The following SLC25A21 variants were observed in gnomAD, a reference collection of about 807,000 sequenced individuals.
The protein encoded by SLC25A21 is solute carrier family 25 member 21.
Under a neutral mutation model 43.8 loss-of-function variants are expected in SLC25A21, and 47 were observed. The observed-to-expected ratio is 1.07, with a 90% confidence interval of 0.85 to 1.37. The LOEUF (loss-of-function observed/expected upper bound fraction) is 1.37, where lower values mean the gene tolerates loss of function less well. SLC25A21 is among the 40% of genes most tolerant of loss of function. The pLI is 0.00. For missense variants in SLC25A21, 352 were observed against 350.2 expected (o/e 1.00, Z -0.04); for synonymous variants, 131 against 121.3 (o/e 1.08, Z -0.52).
At chr14:36,696,236 C>T (rs1483857323) in intron 7 of SLC25A21, among the ~76,000 whole-genome samples, 1 of 152,148 alleles carries the variant, frequency 6.6e-6, no homozygotes, top group Non-Finnish European at 1.5e-5. Context: ...GTTGAACCAG[C>T]CTTGCATCCT....
chr14:36,876,357 A>T (rs712387), intron 1 of SLC25A21, among the ~76,000 whole-genome samples: 26,261 of 152,172 alleles, frequency 0.17, 2,602 homozygotes, highest in East Asian at 0.27. Flanking sequence ...TGTATTGACC[A>T]AAACTGTCTT....
intron 1 of SLC25A21, among the ~76,000 whole-genome samples, chr14:36,893,801 A>C (rs1277096394): frequency 3.9e-5 from 6 of 152,152 alleles, no homozygotes; most frequent in Non-Finnish European, 8.8e-5. Context: ...TAAATAGGGA[A>C]TCCTTTCCCT....
intron 1 of SLC25A21, among the ~76,000 whole-genome samples, chr14:37,095,813 C>T (rs578205142): frequency 1.0e-3 from 32 of 31,376 alleles, no homozygotes; most frequent in East Asian, 2.8e-3. Context: ...CACACACACG[C>T]GCACGCACAC....
At chr14:36,700,710 G>C (rs1883243715) in intron 7 of SLC25A21, among the ~76,000 whole-genome samples, 1 of 152,182 alleles carries the variant, frequency 6.6e-6, no homozygotes, top group Admixed American at 6.5e-5. Flanking sequence ...CCCTCCTCTT[G>C]TGTATTTACT....
At chr14:37,172,144 C>G in intron 1 of SLC25A21, 137 bp downstream of exon 1, 1 of 909,148 alleles carries the variant, frequency 1.1e-6, no homozygotes, top group Non-Finnish European at 1.7e-6. Flanking sequence ...TCTAGGGGCT[C>G]AAGCACTGCT....
chr14:37,050,538 C>T (rs1317038419), intron 1 of SLC25A21, among the ~76,000 whole-genome samples: 1 of 152,162 alleles, frequency 6.6e-6, no homozygotes. Context: ...AACTCATCAG[C>T]CTAGAGGGAC....
At chr14:36,813,556 T>G (rs1333386528) in intron 3 of SLC25A21, among the ~76,000 whole-genome samples, 1 of 152,130 alleles carries the variant, frequency 6.6e-6, no homozygotes, top group Non-Finnish European at 1.5e-5. Flanking sequence ...CAGATCTGTT[T>G]TATTTGTATA....
chr14:37,113,749 G>A (rs1963059720), intron 1 of SLC25A21, among the ~76,000 whole-genome samples: 1 of 151,308 alleles, frequency 6.6e-6, no homozygotes, highest in Non-Finnish European at 1.5e-5. Flanking sequence ...AGCTACCCAA[G>A]AGGCTGAGGC....
rs190856318 is a variant in SLC25A21 at position 37,123,002 on chromosome 14, A to C, written c.70+49279T>G. Among the ~76,000 whole-genome samples the C allele has an allele frequency of 2.0e-5, 3 of 152,326 alleles. No individual in the cohort carries two copies. In the East Asian group the frequency reaches 5.8e-4, roughly 29 times the overall value. ...ATAGATACTTGCTTCTCAAAAGCTGAAGTGAAACGTACGCTCTATGAATGC... is the reference window on the plus strand; with the variant it reads ...ATAGATACTTGCTTCTCAAAAGCTGCAGTGAAACGTACGCTCTATGAATGC... On this transcript the variant is annotated intron_variant, in intron 1 of 9. Coordinates refer to ENST00000331299, the MANE Select transcript of SLC25A21 (RefSeq NM_030631.4).
intron 2 of SLC25A21, among the ~76,000 whole-genome samples, chr14:36,841,866 C>T (rs987105553): frequency 6.6e-6 from 1 of 152,218 alleles, no homozygotes; most frequent in South Asian, 2.1e-4. Flanking sequence ...GCAGACTACC[C>T]TGCTCATTTC....
chr14:37,161,796 T>TA (rs1016709686), intron 1 of SLC25A21, among the ~76,000 whole-genome samples: 9 of 150,292 alleles, frequency 6.0e-5, no homozygotes, highest in South Asian at 4.2e-4. Context: ...CCGTCTCTAC[T>TA]AAAAAAAATA....
chr14:37,117,256 A>G lies in SLC25A21; in HGVS notation c.70+55025T>C, dbSNP rs78388921. Among the ~76,000 whole-genome samples the G allele has an allele frequency of 7.9e-3, 1,203 of 152,278 alleles. 12 individuals are homozygous for G. Among genetic ancestry groups the G allele is most frequent in the African/African-American group, 0.027 (1,124 of 41,574 alleles). ...CCTCTCATCATCTAAACTTTTTTTC[A>G]GGGCATCAGCACTAGAAAAAGTCAT... is the stretch of plus-strand genomic sequence containing the variant. On this transcript the variant is annotated intron_variant, in intron 1 of 9. Coordinates refer to ENST00000331299, the MANE Select transcript of SLC25A21 (RefSeq NM_030631.4).
chr14:36,891,690 CTT>C (rs1233538141), intron 1 of SLC25A21, among the ~76,000 whole-genome samples: 1 of 152,084 alleles, frequency 6.6e-6, no homozygotes, highest in African/African-American at 2.4e-5. Context: ...CCCAGAATCT[CTT>C]GAGTGTAGCC....
chr14:36,698,087 G>A (rs58384040), intron 7 of SLC25A21, among the ~76,000 whole-genome samples: 2,802 of 152,154 alleles, frequency 0.018, 88 homozygotes, highest in African/African-American at 0.064. Flanking sequence ...CTTCCTTCAG[G>A]AGCTCTTGTA....
At chr14:36,818,383 T>A (rs1329284316) in intron 2 of SLC25A21, among the ~76,000 whole-genome samples, 2 of 152,196 alleles carry the variant, frequency 1.3e-5, no homozygotes, top group South Asian at 4.1e-4. Flanking sequence ...GATGCTGAGT[T>A]AATTACAACC....
intron 7 of SLC25A21, among the ~76,000 whole-genome samples, chr14:36,696,378 T>C (rs1450990440): frequency 1.3e-5 from 2 of 152,224 alleles, no homozygotes; most frequent in Admixed American, 6.5e-5. Flanking sequence ...TCTTTTTTTG[T>C]TGTGTCTCTG....
intron 2 of SLC25A21, among the ~76,000 whole-genome samples, chr14:36,864,792 G>C (rs1335955132): frequency 6.6e-6 from 1 of 152,160 alleles, no homozygotes; most frequent in African/African-American, 2.4e-5. Context: ...CAGTGGTCTA[G>C]TCCTGAATTT....
At chr14:36,884,877 T>C (rs1890868948) in intron 1 of SLC25A21, among the ~76,000 whole-genome samples, 1 of 152,156 alleles carries the variant, frequency 6.6e-6, no homozygotes, top group Non-Finnish European at 1.5e-5. Context: ...ATTAGTCCCT[T>C]GTCAGATGTG....
At chr14:36,862,625 G>T (rs1890102548) in intron 2 of SLC25A21, among the ~76,000 whole-genome samples, 3 of 143,090 alleles carry the variant, frequency 2.1e-5, no homozygotes, top group African/African-American at 7.6e-5. Context: ...GTGGGGCTAG[G>T]GGAGGAATAG....
Sources: allele counts gnomAD v4.1 joint callset (sites outside exome capture counted in the v4.1 genomes callset), GRCh38; gene constraint gnomAD v4.1.1; transcripts MANE v1.5; gene names NCBI Gene and HGNC (gene_info 2026-07-23, HGNC 2026-07-21).